Variants in HEXD observed in about 807,000 individuals in gnomAD.
HEXD encodes hexosaminidase D.
Under a neutral mutation model 54.2 loss-of-function variants are expected in HEXD, and 47 were observed. That is an observed-to-expected ratio of 0.87 (90% CI 0.69 to 1.11). The LOEUF is 1.11. HEXD is among the 50% of genes least tolerant of loss of function. HEXD has a pLI of 0.00. For synonymous variants in HEXD, 293 were observed against 287.6 expected (o/e 1.02, Z -0.19); for missense variants, 576 against 649.2 (o/e 0.89, Z 1.23).
At chr17:82,424,084 A>T (rs965227992) in intron 2 of HEXD, among the ~76,000 whole-genome samples, 2 of 151,594 alleles carry the variant, frequency 1.3e-5, no homozygotes, top group Non-Finnish European at 2.9e-5. Flanking sequence ...GCCGCCGTGC[A>T]TGAAGAGCTG....
At position 82,442,096 on chromosome 17, in the gene HEXD, G is replaced by T. The variant is rs949616480; in HGVS notation, c.1254-81G>T. 6.6e-7 allele frequency: 1 copy of T among 1,507,120 alleles called. No individual in the cohort carries two copies. The highest frequency in any genetic ancestry group is 9.0e-7 in the Non-Finnish European group (1 of 1,113,476). The allele number at this position is 1,507,120 out of a possible 1,614,324, so 93.4% of individuals were successfully genotyped here. A position where few individuals can be genotyped will look rare whatever the true frequency, so the allele number is the denominator to read the frequency against. On this transcript the variant is annotated intron_variant, in intron 12 of 12. Coordinates refer to ENST00000327949, the MANE Select transcript of HEXD (RefSeq NM_001330542.2). This position sits in a 1 kb window ranked among gnomAD's most constrained non-coding sequence, Gnocchi z 6.8. The stretch of plus-strand genomic sequence containing the variant: ...TAGCCCCATTTCACAGGTGAACTGA[G>T]GCACAGGGCAGTACTGACCATGGGG...
intron 8 of HEXD, 130 bp downstream of exon 8, chr17:82,437,493 A>T: frequency 1.2e-6 from 1 of 803,842 alleles, no homozygotes; most frequent in South Asian, 2.1e-5. Context: ...CTCCAAGAGG[A>T]GCTGCAGAAA....
chr17:82,424,357 G>T (rs746875689), intron 2 of HEXD, 37 bp from the exon 3 acceptor site: 9 of 1,412,640 alleles, frequency 6.4e-6, no homozygotes, highest in Non-Finnish European at 2.0e-6. Flanking sequence ...TGCTCCAGCA[G>T]CCACTTCTTC....
intron 2 of HEXD, among the ~76,000 whole-genome samples, chr17:82,421,104 A>G (rs1406912752): frequency 6.6e-6 from 1 of 152,180 alleles, no homozygotes; most frequent in Non-Finnish European, 1.5e-5. Flanking sequence ...AAGTAAGTAA[A>G]GGTCTCCCAT....
chr17:82,439,679 G>T lies in HEXD; in HGVS notation c.948G>T (p.Pro316=). ...GCGAGCTGCTGCCCGCAGGAGTCCC[G>T]TCCCTGGCCGCCTGCCTGCAGTTGC... The part of the protein sequence containing the change: ...VLCELLPAGV[P]SLAACLQLLL... Residue 316 remains proline (P), a synonymous_variant, in exon 9 of 13, where the codon CCG becomes CCT. Coordinates refer to ENST00000327949, the MANE Select transcript of HEXD (RefSeq NM_001330542.2). The T allele has an allele frequency of 6.3e-7, 1 of 1,598,710 alleles. No homozygotes were observed. The highest frequency in any genetic ancestry group is 8.5e-7 in the Non-Finnish European group (1 of 1,177,902).
chr17:82,437,840 T>G (rs1277198827), intron 8 of HEXD, among the ~76,000 whole-genome samples: 4 of 152,218 alleles, frequency 2.6e-5, no homozygotes, highest in Non-Finnish European at 5.9e-5. Flanking sequence ...AAGGCCAGCA[T>G]AGGCGTGCCC....
intron 8 of HEXD, 85 bp from the exon 9 acceptor site, chr17:82,439,546 A>G (rs576245552): frequency 4.0e-5 from 59 of 1,489,636 alleles, no homozygotes; most frequent in Non-Finnish European, 5.2e-5. Flanking sequence ...CCCTGGAACA[A>G]CAGCAGGGAC....
rs376308435 is a variant in HEXD, at chr17:82,437,467, G to A, written c.899+104G>A. On this transcript the variant is annotated intron_variant, in intron 8 of 12. Coordinates refer to ENST00000327949, the MANE Select transcript of HEXD (RefSeq NM_001330542.2). ...AAGGGCCTTCCCAGGTTGGTCAAAG[G>A]GGAAGCAGCCCGGGCCTCCAAGAGG... 8.4e-5 allele frequency: 89 copies of A among 1,054,146 alleles called. No individual in the cohort carries two copies. In the African/African-American group the frequency reaches 1.3e-3, roughly 15 times the overall value. 65.3% of individuals were successfully genotyped at this position (1,054,146 alleles called of 1,614,324 possible).
In HEXD at chr17:82,437,345, T is replaced by C. The variant is rs750206471; in HGVS notation, c.881T>C (p.Ile294Thr). 8 of 1,603,480 alleles carry C rather than the reference T, an allele frequency of 5.0e-6. No homozygotes were observed. The highest frequency in any genetic ancestry group is 4.3e-6 in the Non-Finnish European group (5 of 1,174,764). Residue 294 changes from isoleucine to threonine, a missense_variant, in exon 8 of 13, where the codon ATC (isoleucine) becomes ACC (threonine). By Grantham distance (89) the Ile-to-Thr change is moderately conservative (BLOSUM62 -1). Transcript: ENST00000327949. ...CCCACGGACTCACTGCAGGGCATCATCCTGACCGGCTGGCAGAGGTAAGTC... is the reference window on the plus strand; with the variant it reads ...CCCACGGACTCACTGCAGGGCATCACCCTGACCGGCTGGCAGAGGTAAGTC... ...SGPTDSLQGI[I>T]LTGWQRYDHY... is the part of the protein sequence containing the mutation.
intron 4 of HEXD, among the ~76,000 whole-genome samples, chr17:82,432,872 G>A (rs534366233): frequency 2.2e-3 from 323 of 146,010 alleles, no homozygotes; most frequent in Admixed American, 5.1e-3. Context: ...GACCATCCTG[G>A]CTAACACGGT....
intron 4 of HEXD, among the ~76,000 whole-genome samples, chr17:82,432,899 T>A (rs1281024154): frequency 2.1e-5 from 3 of 146,306 alleles, no homozygotes; most frequent in East Asian, 4.2e-4. Flanking sequence ...CCGTCTCTAC[T>A]AAAACAAAAT....
At chr17:82,430,002 T>G (rs1350782299) in intron 4 of HEXD, among the ~76,000 whole-genome samples, 2 of 152,074 alleles carry the variant, frequency 1.3e-5, no homozygotes, top group Non-Finnish European at 2.9e-5. Context: ...CCAGCCACAG[T>G]CAGCACCACC....
intron 4 of HEXD, 120 bp from the exon 5 acceptor site, chr17:82,433,536 ACT>A (rs1304279008): frequency 2.6e-5 from 24 of 926,000 alleles, no homozygotes; most frequent in Admixed American, 3.4e-5. Flanking sequence ...CAGGACTGAG[ACT>A]CTCTGCCTGG....
At position 82,433,850 on chromosome 17, in the gene HEXD, A is replaced by T. The variant is rs755997053; in HGVS notation, c.447+28A>T. The T allele has an allele frequency of 5.7e-6, 9 of 1,581,688 alleles. 1 individual carries two copies. In the South Asian group the frequency reaches 1.0e-4, roughly 18 times the overall value. On this transcript the variant is annotated intron_variant, in intron 5 of 12. Coordinates refer to ENST00000327949, the MANE Select transcript of HEXD (RefSeq NM_001330542.2). The stretch of plus-strand genomic sequence containing the variant: ...GGGTACTGTCACCCCAGCTCTGTGC[A>T]GGACACTCTCCCCTATCATGGCTTG...
Position 82,441,809 on chromosome 17 carries a change from T to G in HEXD, c.1173T>G (p.Thr391=). ...DALLEGNRYV[T]GWFSPYHRQR... ...TGTGGATTTGCCCCAGGTATGTCACTGGCTGGTTCAGCCCCTACCACCGCC... is the reference window on the plus strand; with the variant it reads ...TGTGGATTTGCCCCAGGTATGTCACGGGCTGGTTCAGCCCCTACCACCGCC... The change falls in exon 12 of 13, where the codon ACT becomes ACG. Residue 391 remains threonine, a synonymous_variant. Transcript: ENST00000327949. The G allele has an allele frequency of 6.2e-7, 1 of 1,613,044 alleles. No homozygotes were observed. Among genetic ancestry groups the G allele is most frequent in the Non-Finnish European group, 8.5e-7 (1 of 1,179,930 alleles).
intron 6 of HEXD, 122 bp downstream of exon 6, chr17:82,435,994 C>T (rs1169315603): frequency 1.1e-6 from 1 of 905,924 alleles, no homozygotes; most frequent in African/African-American, 1.7e-5. Flanking sequence ...CACAGACCCG[C>T]CACAACCACC....
intron 1 of HEXD, among the ~76,000 whole-genome samples, chr17:82,419,370 A>G (rs1309029101): frequency 6.6e-6 from 1 of 152,244 alleles, no homozygotes; most frequent in Non-Finnish European, 1.5e-5. Flanking sequence ...TAAATTTCCT[A>G]CAGAAGCATC....
Position 82,440,976 on chromosome 17 carries a change from C to G in HEXD, c.983-21C>G, listed in dbSNP as rs917192578. 14 of 1,613,174 alleles carry G rather than the reference C, an allele frequency of 8.7e-6. No homozygotes were observed. The African/African-American group carries it at 1.6e-4, about 18-fold the overall frequency. ...CTCCTCCAGAGGCCCCTCCAACCGC[C>G]CCGCTCATTTGTGATTTCAGGAGGA... On this transcript the variant is annotated intron_variant, in intron 9 of 12. Transcript: ENST00000327949.
At position 82,442,522 on chromosome 17, in the gene HEXD, G is replaced by T; in HGVS notation, c.*138G>T. ...TCTTGCCCACACTCAGTTCCTGAGG[G>T]CCCTGGGCAGCCCCTGGGGGAGAGA... is the stretch of plus-strand genomic sequence containing the variant. On this transcript the variant is annotated 3_prime_UTR_variant, in exon 13 of 13. Transcript: ENST00000327949. This position sits in a 1 kb window ranked among gnomAD's most constrained non-coding sequence, Gnocchi z 6.8. 6.3e-7 allele frequency: 1 copy of T among 1,591,582 alleles called. No individual in the cohort carries two copies. The highest frequency in any genetic ancestry group is 1.1e-5 in the South Asian group (1 of 90,668).
Sources: gnomAD v4.1 joint callset for allele counts (sites outside exome capture counted in the v4.1 genomes callset) on GRCh38, gnomAD v4.1.1 for gene constraint, Gnocchi (gnomAD v3.1) non-coding constraint, MANE v1.5 for transcripts, NCBI Gene and HGNC (gene_info 2026-07-23, HGNC 2026-07-21) for gene names.